DGKB: variants seen among roughly 807,000 people sequenced by gnomAD.
DGKB encodes the protein 90 kDa diacylglycerol kinase.
Under a neutral mutation model 114.3 loss-of-function variants are expected in DGKB, and 67 were observed. The ratio of observed to expected loss-of-function variants is 0.59; its 90% confidence interval spans 0.48 to 0.72. The LOEUF (loss-of-function observed/expected upper bound fraction) is 0.72, where lower values mean the gene tolerates loss of function less well. DGKB is among the 30% of genes least tolerant of loss of function. The pLI is 0.00. For missense variants in DGKB, 907 were observed against 975.2 expected (o/e 0.93, Z 0.93); for synonymous variants, 398 against 323.1 (o/e 1.23, Z -2.49).
intron 23 of DGKB, among the ~76,000 whole-genome samples, chr7:14,188,885 A>C (rs1277971274): frequency 6.6e-6 from 1 of 152,134 alleles, no homozygotes; most frequent in Non-Finnish European, 1.5e-5. Context: ...GATATATTCA[A>C]AGTGCTGAAA....
At chr7:14,645,366 A>G (rs1160653890) in intron 13 of DGKB, among the ~76,000 whole-genome samples, 1 of 152,074 alleles carries the variant, frequency 6.6e-6, no homozygotes, top group Non-Finnish European at 1.5e-5. Context: ...CTGCTTGCTG[A>G]GCTATAGGTG....
chr7:14,401,642 T>C (rs779595265), intron 21 of DGKB, among the ~76,000 whole-genome samples: 4 of 151,892 alleles, frequency 2.6e-5, no homozygotes, highest in Non-Finnish European at 5.9e-5. Flanking sequence ...GTTAGGGGTA[T>C]CAGTGCTTCA....
intron 13 of DGKB, among the ~76,000 whole-genome samples, chr7:14,637,755 A>G (rs935122648): frequency 6.6e-6 from 1 of 151,878 alleles, no homozygotes; most frequent in African/African-American, 2.4e-5. Context: ...GCAAATGAAG[A>G]TTGTCTCACA....
At position 14,322,573 on chromosome 7, in the gene DGKB, A is replaced by G. The variant is rs185012247; in HGVS notation, c.2122+15942T>C. Reference sequence around the variant, plus strand: ...TCAAAATTATTTTTAAAAACTACAGATAAAAAGCAATAAGAAAAAAGTAAT... The same window carrying G: ...TCAAAATTATTTTTAAAAACTACAGGTAAAAAGCAATAAGAAAAAAGTAAT... On this transcript the variant is annotated intron_variant, in intron 23 of 25. Coordinates refer to ENST00000402815, the MANE Select transcript of DGKB (RefSeq NM_001350709.2). Among the ~76,000 whole-genome samples the G allele has an allele frequency of 2.0e-4, 31 of 152,304 alleles. 1 individual carries two copies. In the East Asian group the frequency reaches 5.8e-3, roughly 28 times the overall value.
At chr7:14,701,801 T>C (rs1825234919) in intron 6 of DGKB, 71 bp from the exon 7 acceptor site, 1 of 1,055,210 alleles carries the variant, frequency 9.5e-7, no homozygotes, top group African/African-American at 1.6e-5. Flanking sequence ...AGTATATTCA[T>C]TAAAATTTAG....
At chr7:14,486,111 C>G (rs1783768093) in intron 20 of DGKB, among the ~76,000 whole-genome samples, 4 of 152,006 alleles carry the variant, frequency 2.6e-5, no homozygotes, top group Admixed American at 2.6e-4. Context: ...TCATATCACT[C>G]TTGTGATTAT....
chr7:14,278,255 T>C (rs932007983), intron 23 of DGKB, among the ~76,000 whole-genome samples: 3 of 151,220 alleles, frequency 2.0e-5, no homozygotes, highest in Admixed American at 6.6e-5. Flanking sequence ...TATGAAGCAA[T>C]TGCTATCAAA....
At position 14,969,179 on chromosome 7, in the gene DGKB, C is replaced by T. The variant is rs148399907; in HGVS notation, c.-188+5517G>A. On this transcript the variant is annotated intron_variant, in intron 1 of 4. Transcript: ENST00000437998. ...CAGTTTTTCTTAAGATTTCTAGTAT[C>T]GCAAAAAATTTAAATGAATATCAAC... 8.5e-5 allele frequency among the ~76,000 whole-genome samples: 13 copies of T among 152,170 alleles called. No homozygotes were observed. In the East Asian group the frequency reaches 2.1e-3, roughly 25 times the overall value.
intron 23 of DGKB, among the ~76,000 whole-genome samples, chr7:14,314,283 A>T (rs921402630): frequency 9.9e-5 from 15 of 152,178 alleles, no homozygotes; most frequent in African/African-American, 3.6e-4. Context: ...CTGGACAGAG[A>T]ATGACTTTGA....
At chr7:14,878,780 A>C (rs1221777473) in intron 1 of DGKB, among the ~76,000 whole-genome samples, 5 of 151,766 alleles carry the variant, frequency 3.3e-5, no homozygotes, top group East Asian at 3.9e-4. Flanking sequence ...AAAAAAAAAA[A>C]ACCAAAGACT....
intron 23 of DGKB, among the ~76,000 whole-genome samples, chr7:14,256,744 A>G (rs1796025738): frequency 6.6e-6 from 1 of 152,220 alleles, no homozygotes; most frequent in Non-Finnish European, 1.5e-5. Flanking sequence ...CATTGAAGGT[A>G]TAATGGACAA....
At chr7:14,166,889 A>G (rs550779799) in intron 25 of DGKB, among the ~76,000 whole-genome samples, 2 of 152,238 alleles carry the variant, frequency 1.3e-5, no homozygotes, top group Non-Finnish European at 2.9e-5. Flanking sequence ...AGGGCCCTAC[A>G]GATCAGAGTG....
At chr7:14,786,277 T>A (rs1476847616) in intron 2 of DGKB, among the ~76,000 whole-genome samples, 2 of 152,232 alleles carry the variant, frequency 1.3e-5, no homozygotes, top group East Asian at 3.8e-4. Context: ...ATCGGTTGAA[T>A]GTGTGCATGT....
intron 13 of DGKB, among the ~76,000 whole-genome samples, chr7:14,633,580 G>A (rs558285129): frequency 4.6e-5 from 7 of 151,856 alleles, no homozygotes; most frequent in South Asian, 2.1e-4. Flanking sequence ...TTTAGCTATC[G>A]TATCACTTCT....
intron 1 of DGKB, among the ~76,000 whole-genome samples, chr7:14,873,556 T>C (rs774838210): frequency 1.3e-5 from 2 of 151,990 alleles, no homozygotes; most frequent in African/African-American, 2.4e-5. Context: ...ATCTATAATT[T>C]TGGTGGAAAA....
chr7:14,751,501 G>C lies in DGKB; in HGVS notation c.168+2427C>G, dbSNP rs1834119213. ...TAATTGTAGGTAGATTTGATAAGAA[G>C]AGGAACATCACTGAAACTATATTGA... On this transcript the variant is annotated intron_variant, in intron 4 of 25. Coordinates refer to ENST00000402815, the MANE Select transcript of DGKB (RefSeq NM_001350709.2). Among the ~76,000 whole-genome samples, 4 of 152,336 alleles carry C rather than the reference G, an allele frequency of 2.6e-5. 1 individual carries two copies.
intron 12 of DGKB, among the ~76,000 whole-genome samples, chr7:14,677,306 A>AAG (rs1052753621): frequency 6.6e-6 from 1 of 151,962 alleles, no homozygotes; most frequent in Non-Finnish European, 1.5e-5. Flanking sequence ...GGAAAATAAG[A>AAG]AGAGAAATAA....
intron 21 of DGKB, among the ~76,000 whole-genome samples, chr7:14,457,475 T>C (rs1563223106): frequency 6.6e-6 from 1 of 152,220 alleles, no homozygotes; most frequent in African/African-American, 2.4e-5. Context: ...TTGCTATTAA[T>C]TGCTATATTA....
rs369373590 is a variant in DGKB at position 14,973,435 on chromosome 7, CAT to C, written c.-188+1259_-188+1260del. ...TCTAAAACAGAAATTGATACAATAA[CAT>C]ATGGATTGAAAATTAAGTTAATCAT... On this transcript the variant is annotated intron_variant, in intron 1 of 4. Transcript: ENST00000437998. Among the ~76,000 whole-genome samples the C allele has an allele frequency of 9.2e-4, 139 of 151,194 alleles. 2 individuals carry two copies. In the South Asian group the frequency reaches 0.013, roughly 14 times the overall value.
Sources: gnomAD v4.1 joint callset for allele counts (sites outside exome capture counted in the v4.1 genomes callset) on GRCh38, gnomAD v4.1.1 for gene constraint, MANE v1.5 for transcripts, NCBI Gene and HGNC (gene_info 2026-07-23, HGNC 2026-07-21) for gene names.